Variants in NCALD observed in about 807,000 individuals in gnomAD.
NCALD encodes neurocalcin-delta.
A neutral mutation model predicts 18.6 loss-of-function variants in NCALD; 10 were observed. The observed-to-expected ratio is 0.54, with a 90% confidence interval of 0.33 to 0.91. NCALD has a LOEUF of 0.91. NCALD is among the 40% of genes least tolerant of loss of function. The pLI is 0.03. For synonymous variants in NCALD, 88 were observed against 87.4 expected (o/e 1.01, Z -0.04); for missense variants, 184 against 247.6 (o/e 0.74, Z 1.72).
At chr8:101,858,536 T>C in intron 4 of NCALD, among the ~76,000 whole-genome samples, 1 of 152,278 alleles carries the variant, frequency 6.6e-6, no homozygotes, top group East Asian at 1.9e-4. Flanking sequence ...GGAGATGTTC[T>C]GAACGAAAGG....
intron 1 of NCALD, among the ~76,000 whole-genome samples, chr8:102,030,811 G>A (rs1822640994): frequency 6.6e-6 from 1 of 152,120 alleles, no homozygotes; most frequent in South Asian, 2.1e-4. Flanking sequence ...ACGAGGTGGA[G>A]GTTGTAGTGA....
At chr8:101,703,467 A>G (rs9694455) in intron 2 of NCALD, among the ~76,000 whole-genome samples, 3,933 of 152,286 alleles carry the variant, frequency 0.026, 137 homozygotes, top group African/African-American at 0.078. Context: ...TGGCCAAGAT[A>G]GAGTCACAGG....
chr8:102,022,444 C>T (rs1822307641), intron 1 of NCALD, among the ~76,000 whole-genome samples: 1 of 152,170 alleles, frequency 6.6e-6, no homozygotes, highest in Non-Finnish European at 1.5e-5. Context: ...CACTCTCTTG[C>T]AGTTCTTGGA....
intron 2 of NCALD, among the ~76,000 whole-genome samples, chr8:101,948,380 A>C (rs1819261410): frequency 6.6e-6 from 1 of 152,244 alleles, no homozygotes; most frequent in Non-Finnish European, 1.5e-5. Context: ...AAGGGTGCTC[A>C]GAGACTGAGG....
chr8:101,714,307 A>C (rs1035550787), intron 2 of NCALD, among the ~76,000 whole-genome samples: 8 of 152,222 alleles, frequency 5.3e-5, no homozygotes, highest in African/African-American at 1.9e-4. Context: ...CAGGATACAA[A>C]ATCAGTGTGC....
At chr8:101,740,616 T>A (rs1243740196) in intron 1 of NCALD, among the ~76,000 whole-genome samples, 1 of 152,206 alleles carries the variant, frequency 6.6e-6, no homozygotes, top group Non-Finnish European at 1.5e-5. Flanking sequence ...ACTATTTCCA[T>A]GTCTTGTTAA....
At chr8:101,972,384 T>C (rs968419833) in intron 2 of NCALD, among the ~76,000 whole-genome samples, 7 of 152,218 alleles carry the variant, frequency 4.6e-5, no homozygotes, top group Non-Finnish European at 1.5e-5. Context: ...TAATATGTTG[T>C]TGTGGGGATT....
chr8:101,784,393 T>C (rs1163744089), intron 1 of NCALD, among the ~76,000 whole-genome samples: 1 of 152,178 alleles, frequency 6.6e-6, no homozygotes, highest in Non-Finnish European at 1.5e-5. Flanking sequence ...TCCTTGGAAG[T>C]CACCTAGCAT....
intron 2 of NCALD, among the ~76,000 whole-genome samples, chr8:101,942,248 T>A (rs544855063): frequency 1.3e-5 from 2 of 152,316 alleles, no homozygotes; most frequent in Admixed American, 6.5e-5. Flanking sequence ...GGAAGAGTCT[T>A]AACCCGTCTG....
intron 4 of NCALD, among the ~76,000 whole-genome samples, chr8:101,818,240 A>G (rs1813578646): frequency 6.6e-6 from 1 of 152,200 alleles, no homozygotes; most frequent in African/African-American, 2.4e-5. Flanking sequence ...TTAATTTGAC[A>G]AAGAAAAAAA....
chr8:102,079,577 C>G (rs1427870348), intron 1 of NCALD, among the ~76,000 whole-genome samples: 1 of 152,190 alleles, frequency 6.6e-6, no homozygotes, highest in Admixed American at 6.5e-5. Context: ...ATAAACGACT[C>G]TGTTGCCCAT....
At chr8:101,817,415 C>T (rs1475901407) in intron 4 of NCALD, among the ~76,000 whole-genome samples, 1 of 152,160 alleles carries the variant, frequency 6.6e-6, no homozygotes, top group African/African-American at 2.4e-5. Flanking sequence ...TTGTCACCCA[C>T]ATTAAAAGAA....
chr8:101,798,737 G>A (rs1812731705), intron 4 of NCALD, among the ~76,000 whole-genome samples: 1 of 152,200 alleles, frequency 6.6e-6, no homozygotes, highest in Admixed American at 6.5e-5. Context: ...GAAGCCATCA[G>A]TCTAGCTGAT....
At chr8:101,761,871 T>A (rs982123359) in intron 1 of NCALD, among the ~76,000 whole-genome samples, 2 of 152,216 alleles carry the variant, frequency 1.3e-5, no homozygotes, top group African/African-American at 4.8e-5. Context: ...AGAAACCACT[T>A]ACTCACTTTT....
chr8:102,094,875 T>A (rs1434537704), intron 1 of NCALD, among the ~76,000 whole-genome samples: 1 of 152,092 alleles, frequency 6.6e-6, no homozygotes, highest in Non-Finnish European at 1.5e-5. Context: ...ACACAAACGA[T>A]TGCTGGAAAC....
chr8:102,026,924 G>A (rs980618155), intron 1 of NCALD, among the ~76,000 whole-genome samples: 3 of 152,196 alleles, frequency 2.0e-5, no homozygotes, highest in Non-Finnish European at 4.4e-5. Context: ...CCACATGAAA[G>A]CTGCCAAGGC....
At chr8:101,875,469 G>A (rs549846388) in intron 4 of NCALD, among the ~76,000 whole-genome samples, 40 of 152,074 alleles carry the variant, frequency 2.6e-4, no homozygotes, top group South Asian at 1.3e-3. Flanking sequence ...CTCTCTGCTC[G>A]GTGCTCCGTG....
intron 4 of NCALD, among the ~76,000 whole-genome samples, chr8:101,876,491 AGACCAT>A (rs1816233210): frequency 6.6e-6 from 1 of 152,240 alleles, no homozygotes. Flanking sequence ...AGACTTATAT[AGACCAT>A]GACAGTTGTA....
At position 101,838,284 on chromosome 8, in the gene NCALD, C is replaced by T. The variant is rs143758632; in HGVS notation, c.-20+48857G>A. The stretch of plus-strand genomic sequence containing the variant: ...GTCGCCAGCCTGGAGTGCAGTGGCA[C>T]GAACTCAGCTCACTGCAGCCTCCAC... On this transcript the variant is annotated intron_variant, in intron 4 of 6. Coordinates refer to the NCALD transcript ENST00000311028. 2.0e-4 allele frequency among the ~76,000 whole-genome samples: 30 copies of T among 152,118 alleles called. No homozygotes were observed. The East Asian group carries it at 4.1e-3, about 21-fold the overall frequency.
Sources: gnomAD v4.1 joint callset for allele counts (sites outside exome capture counted in the v4.1 genomes callset) on GRCh38, gnomAD v4.1.1 for gene constraint, MANE v1.5 for transcripts, NCBI Gene and HGNC (gene_info 2026-07-23, HGNC 2026-07-21) for gene names.